ULK4: variants seen among roughly 807,000 people sequenced by gnomAD.
The protein encoded by ULK4 is unc-51 like kinase 4, also known as inactive serine/threonine-protein kinase ULK4.
ULK4 carries 133 observed loss-of-function variants against 160.6 expected under a neutral mutation model. That is an observed-to-expected ratio of 0.83 (90% CI 0.72 to 0.96). ULK4 has a LOEUF of 0.96. ULK4 is among the 40% of genes least tolerant of loss of function. The pLI is 0.00. For synonymous variants in ULK4, 534 were observed against 539.8 expected, an observed-to-expected ratio of 0.99 and a Z score of 0.15; for missense variants, 1,580 against 1,499.5, an observed-to-expected ratio of 1.05 and a Z score of -0.89.
chr3:41,706,999 A>G (rs1358772583), intron 25 of ULK4, among the ~76,000 whole-genome samples: 1 of 151,826 alleles, frequency 6.6e-6, no homozygotes, highest in Non-Finnish European at 1.5e-5. Flanking sequence ...TACTCAAGTT[A>G]AGAACTAAGA....
At chr3:41,654,243 C>A (rs2034850591) in intron 30 of ULK4, among the ~76,000 whole-genome samples, 1 of 152,142 alleles carries the variant, frequency 6.6e-6, no homozygotes, top group Admixed American at 6.6e-5. Context: ...TCTCTAGAAC[C>A]AGACAAGACA....
At position 41,882,335 on chromosome 3, in the gene ULK4, G is replaced by GA. The variant is rs1164770734; in HGVS notation, c.1656+1538dup. 9 of 699,904 alleles carry GA rather than the reference G, an allele frequency of 1.3e-5. No homozygotes were observed. The East Asian group carries it at 2.4e-4, about 19-fold the overall frequency. The allele number at this position is 699,904 out of a possible 1,614,324, so 43.4% of individuals were successfully genotyped here. A position where few individuals can be genotyped will look rare whatever the true frequency, so the allele number is the denominator to read the frequency against. On this transcript the variant is annotated intron_variant, in intron 17 of 36. Coordinates refer to ENST00000301831, the MANE Select transcript of ULK4 (RefSeq NM_017886.4). ...AATGCCAGGTGGTGATACATGCTGT[G>GA]AAAAAGATAAAGTAGAACAATGGGG... is the stretch of plus-strand genomic sequence containing the variant.
At position 41,364,473 on chromosome 3, in the gene ULK4, T is replaced by C. The variant is rs182265221; in HGVS notation, c.3678+33606A>G. ...TTAACAGAGAACAAAACTCTTGTACTGTTTTGGCTAGCCTGTTTCACAGGT... is the reference window on the plus strand; with the variant it reads ...TTAACAGAGAACAAAACTCTTGTACCGTTTTGGCTAGCCTGTTTCACAGGT... On this transcript the variant is annotated intron_variant, in intron 35 of 36. Transcript: ENST00000301831. Among the ~76,000 whole-genome samples the C allele has an allele frequency of 3.6e-4, 55 of 152,356 alleles. No individual in the cohort carries two copies. In the East Asian group the frequency reaches 0.01, roughly 29 times the overall value.
At chr3:41,433,822 C>G (rs373248696) in intron 34 of ULK4, among the ~76,000 whole-genome samples, 1 of 152,192 alleles carries the variant, frequency 6.6e-6, no homozygotes, top group African/African-American at 2.4e-5. Flanking sequence ...CGGGTTCACG[C>G]CGTTCTCCTG....
At chr3:41,398,865 C>T (rs939526893) in intron 34 of ULK4, among the ~76,000 whole-genome samples, 1 of 151,984 alleles carries the variant, frequency 6.6e-6, no homozygotes, top group African/African-American at 2.4e-5. Context: ...GGTTTCAATA[C>T]ACATATACAA....
At chr3:41,760,801 ATTT>A (rs2125906177) in intron 21 of ULK4, among the ~76,000 whole-genome samples, 1 of 152,340 alleles carries the variant, frequency 6.6e-6, no homozygotes, top group South Asian at 2.1e-4. Context: ...GGTCTCAAGC[ATTT>A]TGGATAAGGG....
At chr3:41,480,507 A>G (rs1302165820) in intron 32 of ULK4, among the ~76,000 whole-genome samples, 1 of 152,098 alleles carries the variant, frequency 6.6e-6, no homozygotes, top group East Asian at 1.9e-4. Flanking sequence ...TGTCCTCCTC[A>G]GTCTACTCAA....
chr3:41,389,796 G>C (rs575429141), intron 35 of ULK4, among the ~76,000 whole-genome samples: 2 of 152,186 alleles, frequency 1.3e-5, no homozygotes, highest in South Asian at 4.2e-4. Flanking sequence ...GAGGATTTTT[G>C]CATCGATGTT....
chr3:41,678,214 A>ACC (rs1184289138), intron 29 of ULK4, among the ~76,000 whole-genome samples: 1 of 151,460 alleles, frequency 6.6e-6, no homozygotes, highest in Non-Finnish European at 1.5e-5. Context: ...ACACACACAC[A>ACC]CACACACACA....
At chr3:41,360,286 G>A (rs2081116082) in intron 35 of ULK4, among the ~76,000 whole-genome samples, 1 of 152,202 alleles carries the variant, frequency 6.6e-6, no homozygotes, top group African/African-American at 2.4e-5. Context: ...TGAGGTTGTG[G>A]AGAAAAAGGA....
At chr3:41,610,716 T>C (rs531399507) in intron 31 of ULK4, among the ~76,000 whole-genome samples, 39 of 152,338 alleles carry the variant, frequency 2.6e-4, no homozygotes, top group African/African-American at 8.9e-4. Context: ...AACTAGTGTA[T>C]TGCTAATCCA....
chr3:41,951,593 G>A (rs184774682), intron 2 of ULK4, among the ~76,000 whole-genome samples: 3 of 152,290 alleles, frequency 2.0e-5, no homozygotes, highest in Admixed American at 2.0e-4. Flanking sequence ...TATTCAATGA[G>A]GAAAGGGCAG....
At chr3:41,344,752 CAAAAAAAAAAA>C (rs59466358) in intron 35 of ULK4, among the ~76,000 whole-genome samples, 2 of 62,820 alleles carry the variant, frequency 3.2e-5, no homozygotes, top group African/African-American at 1.2e-4. Flanking sequence ...GACTCTGTCT[CAAAAAAAAAAA>C]AAAAAAAAAA....
chr3:41,380,780 T>A (rs539499933), intron 35 of ULK4, among the ~76,000 whole-genome samples: 1 of 152,244 alleles, frequency 6.6e-6, no homozygotes, highest in Admixed American at 6.5e-5. Context: ...TCTTTACCCC[T>A]CCTCTTGAAT....
At chr3:41,833,544 C>T (rs1282047898) in intron 18 of ULK4, among the ~76,000 whole-genome samples, 1 of 152,016 alleles carries the variant, frequency 6.6e-6, no homozygotes, top group Non-Finnish European at 1.5e-5. Context: ...GATCCACCTG[C>T]CTCAGCCTCC....
At chr3:41,346,030 G>A (rs1441996343) in intron 35 of ULK4, among the ~76,000 whole-genome samples, 3 of 151,960 alleles carry the variant, frequency 2.0e-5, no homozygotes, top group African/African-American at 7.3e-5. Flanking sequence ...CAGAACAGGT[G>A]GGTGCAGAGT....
intron 11 of ULK4, among the ~76,000 whole-genome samples, chr3:41,909,585 C>T (rs1341405074): frequency 3.3e-5 from 5 of 151,830 alleles, no homozygotes; most frequent in Admixed American, 3.3e-4. Flanking sequence ...CTTGGTGGCA[C>T]AGGCCTGTAA....
chr3:41,861,290 G>A (rs996830105), intron 17 of ULK4, among the ~76,000 whole-genome samples: 1 of 152,058 alleles, frequency 6.6e-6, no homozygotes, highest in Admixed American at 6.5e-5. Context: ...TTTTCTTTCT[G>A]ACTGAAGTAT....
intron 35 of ULK4, among the ~76,000 whole-genome samples, chr3:41,376,912 G>A (rs565312916): frequency 1.1e-4 from 17 of 149,666 alleles, no homozygotes; most frequent in South Asian, 8.8e-4. Context: ...AGCCCGCATC[G>A]CCAAGTCAAT....
Sources: gnomAD v4.1 joint callset for allele counts (sites outside exome capture counted in the v4.1 genomes callset) on GRCh38, gnomAD v4.1.1 for gene constraint, MANE v1.5 for transcripts, NCBI Gene and HGNC (gene_info 2026-07-23, HGNC 2026-07-21) for gene names.